Variants in IPO11 observed in about 807,000 individuals in gnomAD.
IPO11 encodes importin-11.
Under a neutral mutation model 143.2 loss-of-function variants are expected in IPO11, and 66 were observed. The observed-to-expected ratio is 0.46, with a 90% CI of 0.38 to 0.57. The LOEUF is 0.57. IPO11 is among the 20% of genes least tolerant of loss of function. The probability of loss-of-function intolerance (pLI) is 0.00; values close to 1 mark genes in which losing one functional copy is unlikely to be tolerated. For synonymous variants in IPO11, 385 were observed against 377.8 expected, an observed-to-expected ratio of 1.02 and a Z score of -0.22; for missense variants, 1,026 against 1,141.0, an observed-to-expected ratio of 0.90 and a Z score of 1.45.
intron 27 of IPO11, chr5:62,581,154 T>C (rs762555079): frequency 6.4e-7 from 1 of 1,551,090 alleles, no homozygotes; most frequent in Non-Finnish European, 8.7e-7. Flanking sequence ...ACTACAGCTT[T>C]TATCAGTCAG....
intron 26 of IPO11, among the ~76,000 whole-genome samples, chr5:62,555,060 G>T (rs1025617909): frequency 3.4e-4 from 51 of 152,074 alleles, no homozygotes; most frequent in Admixed American, 3.3e-3. Context: ...CTCTAGCTTT[G>T]TTCTTTTTGC....
chr5:62,511,311 TTAGA>T (rs1185059560), intron 19 of IPO11, among the ~76,000 whole-genome samples: 18 of 152,318 alleles, frequency 1.2e-4, no homozygotes, highest in African/African-American at 4.1e-4. Flanking sequence ...TATGAATGAG[TTAGA>T]TACTTTGTAA....
At chr5:62,513,387 G>A (rs1214250130) in intron 19 of IPO11, among the ~76,000 whole-genome samples, 7 of 141,166 alleles carry the variant, frequency 5.0e-5, no homozygotes, top group Non-Finnish European at 6.3e-5. Flanking sequence ...CCTCCCGGAC[G>A]GGGCGGCTGG....
At chr5:62,499,003 T>C (rs1372141573) in intron 16 of IPO11, among the ~76,000 whole-genome samples, 1 of 152,188 alleles carries the variant, frequency 6.6e-6, no homozygotes, top group Non-Finnish European at 1.5e-5. Context: ...ATATAAACTG[T>C]GGTATAATCA....
At chr5:62,550,965 A>G (rs1743367382) in intron 25 of IPO11, among the ~76,000 whole-genome samples, 1 of 151,246 alleles carries the variant, frequency 6.6e-6, no homozygotes, top group Admixed American at 6.6e-5. Flanking sequence ...CAAAAAAAAA[A>G]AAAAAGTAAT....
At chr5:62,621,484 C>G (rs1226429077) in intron 29 of IPO11, among the ~76,000 whole-genome samples, 1 of 152,164 alleles carries the variant, frequency 6.6e-6, no homozygotes, top group Non-Finnish European at 1.5e-5. Flanking sequence ...CCACCCTGTC[C>G]TCCCACGGAG....
At chr5:62,418,476 TGTAA>T (rs1255142463) in intron 1 of IPO11, among the ~76,000 whole-genome samples, 1 of 152,212 alleles carries the variant, frequency 6.6e-6, no homozygotes, top group Non-Finnish European at 1.5e-5. Context: ...TAGTTTAAAA[TGTAA>T]GTGTTTCCAG....
chr5:62,486,704 AT>A (rs957988950), intron 12 of IPO11, among the ~76,000 whole-genome samples: 5 of 152,294 alleles, frequency 3.3e-5, no homozygotes, highest in African/African-American at 1.2e-4. Flanking sequence ...ATTACTGGTG[AT>A]TTTAAAACTT....
At chr5:62,551,922 G>A (rs746666698) in intron 26 of IPO11, among the ~76,000 whole-genome samples, 1 of 152,000 alleles carries the variant, frequency 6.6e-6, no homozygotes, top group Non-Finnish European at 1.5e-5. Flanking sequence ...TCAGGAGATC[G>A]AGACATCCTG....
chr5:62,445,476 T>C (rs890789170), intron 3 of IPO11, among the ~76,000 whole-genome samples: 19 of 152,060 alleles, frequency 1.2e-4, no homozygotes, highest in Non-Finnish European at 2.5e-4. Flanking sequence ...CCCTGACTTA[T>C]GGTTGTTTGA....
intron 27 of IPO11, among the ~76,000 whole-genome samples, chr5:62,570,062 T>G (rs1462700811): frequency 6.6e-6 from 1 of 152,208 alleles, no homozygotes; most frequent in Non-Finnish European, 1.5e-5. Context: ...ATTTTTGAAT[T>G]GGCTAATAAT....
Position 62,515,454 on chromosome 5 carries a change from A to G in IPO11, c.1849A>G (p.Asn617Asp). 1 of 1,611,000 alleles carries G rather than the reference A, an allele frequency of 6.2e-7. No individual in the cohort carries two copies. Among genetic ancestry groups the G allele is most frequent in the South Asian group, 1.1e-5 (1 of 90,390 alleles). ...PLLWKQSEEH[N>D]MLRCAILTTL... ...CCTTTGGAAGCAGAGTGAAGAACAC[A>G]ATATGTTGAGATGTGCTATTTTGAC... Residue 617 changes from asparagine (N) to aspartate (D), a missense_variant, in exon 20 of 30, where the codon AAT becomes GAT. Asn to Asp is a conservative substitution (Grantham distance 23). Around this residue, in one of 5 missense-constraint regions of IPO11, gnomAD observed 237 missense variants for 288.0 expected, o/e 0.82. Coordinates refer to ENST00000325324, the MANE Select transcript of IPO11 (RefSeq NM_016338.5).
At chr5:62,615,007 G>A (rs541180791) in intron 29 of IPO11, among the ~76,000 whole-genome samples, 8 of 152,230 alleles carry the variant, frequency 5.3e-5, no homozygotes, top group African/African-American at 1.4e-4. Flanking sequence ...TCCTATTGGC[G>A]TTCTGATGCT....
intron 19 of IPO11, among the ~76,000 whole-genome samples, chr5:62,514,603 C>CGGGCGA (rs1395448122): frequency 7.6e-6 from 1 of 132,270 alleles, no homozygotes; most frequent in Admixed American, 7.4e-5. Context: ...GAGAGGGAGA[C>CGGGCGA]GGGAGAGGGA....
Position 62,550,316 on chromosome 5 carries a change from A to T in IPO11, c.2251-51A>T, listed in dbSNP as rs753652273. On this transcript the variant is annotated intron_variant, in intron 24 of 29. Transcript: ENST00000325324. Reference sequence around the variant, plus strand: ...CATTGTTTCCTTACATGTGTTTTTCATAAAGCAATGACTTGCAGTATTATC... The same window carrying T: ...CATTGTTTCCTTACATGTGTTTTTCTTAAAGCAATGACTTGCAGTATTATC... The T allele has an allele frequency of 5.1e-6, 7 of 1,367,710 alleles. No homozygotes were observed. The African/African-American group carries it at 1.0e-4, about 20-fold the overall frequency. The allele number at this position is 1,367,710 out of a possible 1,614,324, so 84.7% of individuals were successfully genotyped here.
chr5:62,479,234 G>C (rs921779395), intron 9 of IPO11, among the ~76,000 whole-genome samples: 1 of 152,100 alleles, frequency 6.6e-6, no homozygotes, highest in Non-Finnish European at 1.5e-5. Context: ...ATGGTTTCCA[G>C]CTTCATCCAT....
intron 12 of IPO11, among the ~76,000 whole-genome samples, chr5:62,487,441 A>C (rs566171328): frequency 2.0e-5 from 3 of 152,296 alleles, no homozygotes; most frequent in African/African-American, 7.2e-5. Flanking sequence ...GTACTGAGCT[A>C]TAAATGAGTG....
intron 27 of IPO11, among the ~76,000 whole-genome samples, chr5:62,570,901 C>T (rs1459504879): frequency 6.6e-6 from 1 of 152,104 alleles, no homozygotes; most frequent in South Asian, 2.1e-4. Flanking sequence ...GTTTCAGGAC[C>T]TCAAACTGCT....
intron 27 of IPO11, among the ~76,000 whole-genome samples, chr5:62,571,748 C>T (rs1744138264): frequency 1.3e-5 from 2 of 150,498 alleles, no homozygotes; most frequent in Admixed American, 6.6e-5. Context: ...TACAGTGGCA[C>T]AATCTCAGCT....
Sources: allele counts gnomAD v4.1 joint callset (sites outside exome capture counted in the v4.1 genomes callset), GRCh38; gene constraint gnomAD v4.1.1; regional missense constraint gnomAD v4.1.1; transcripts MANE v1.5; gene names NCBI Gene and HGNC (gene_info 2026-07-23, HGNC 2026-07-21).